The following NDUFAF2 variants were observed in gnomAD, a reference collection of about 807,000 sequenced individuals.
The protein encoded by NDUFAF2 is NADH dehydrogenase [ubiquinone] 1 alpha subcomplex assembly factor 2.
Under a neutral mutation model 22.8 loss-of-function variants are expected in NDUFAF2, and 13 were observed. The observed-to-expected ratio is 0.57, with a 90% CI of 0.37 to 0.91. The LOEUF (loss-of-function observed/expected upper bound fraction) is 0.91, where lower values mean the gene tolerates loss of function less well. Ranked by LOEUF, NDUFAF2 falls within the 40% of genes least tolerant of loss-of-function variation. The probability of loss-of-function intolerance (pLI) is 0.01; values close to 1 mark genes in which losing one functional copy is unlikely to be tolerated. For synonymous variants in NDUFAF2, 53 were observed against 64.2 expected (o/e 0.83, Z 0.84); for missense variants, 162 against 195.2 (o/e 0.83, Z 1.01).
chr5:61,143,001 C>A (rs754483818), intron 3 of NDUFAF2, among the ~76,000 whole-genome samples: 4 of 152,086 alleles, frequency 2.6e-5, no homozygotes, highest in African/African-American at 7.2e-5. Context: ...CAATAAAATT[C>A]GAGCTGAGAC....
intron 1 of NDUFAF2, among the ~76,000 whole-genome samples, chr5:61,038,256 A>G (rs1289696567): frequency 1.3e-5 from 2 of 152,192 alleles, no homozygotes; most frequent in Non-Finnish European, 2.9e-5. Flanking sequence ...ATTTGAGAAG[A>G]CTAAGTGAAA....
At chr5:60,973,625 G>T (rs994871463) in intron 1 of NDUFAF2, among the ~76,000 whole-genome samples, 5 of 152,162 alleles carry the variant, frequency 3.3e-5, no homozygotes, top group Admixed American at 1.3e-4. Flanking sequence ...AAGTTATGCA[G>T]TAGTTTTGTT....
intron 1 of NDUFAF2, among the ~76,000 whole-genome samples, chr5:61,034,386 C>A (rs1171141896): frequency 6.6e-6 from 1 of 152,096 alleles, no homozygotes; most frequent in Non-Finnish European, 1.5e-5. Context: ...TAGCCTGTTG[C>A]CCCTGTACAA....
At chr5:60,992,734 T>A (rs1053993817) in intron 1 of NDUFAF2, among the ~76,000 whole-genome samples, 1 of 151,206 alleles carries the variant, frequency 6.6e-6, no homozygotes, top group African/African-American at 2.4e-5. Flanking sequence ...ACCCCTCAGC[T>A]TTTTTTTTGT....
chr5:61,043,003 T>C (rs1751902416), intron 1 of NDUFAF2, among the ~76,000 whole-genome samples: 1 of 152,056 alleles, frequency 6.6e-6, no homozygotes, highest in African/African-American at 2.4e-5. Context: ...GCGGATCACT[T>C]GAGGTGAGGA....
chr5:60,965,127 C>A (rs1750737596), intron 1 of NDUFAF2, among the ~76,000 whole-genome samples: 1 of 152,128 alleles, frequency 6.6e-6, no homozygotes, highest in Admixed American at 6.5e-5. Flanking sequence ...GGTCTAGGAA[C>A]CACTAACATG....
chr5:61,124,072 T>A (rs766060750), intron 3 of NDUFAF2, among the ~76,000 whole-genome samples: 4 of 152,140 alleles, frequency 2.6e-5, no homozygotes, highest in Non-Finnish European at 5.9e-5. Context: ...AGGGAACATT[T>A]TTCTTTAATC....
At chr5:61,051,813 G>A (rs1752027968) in intron 1 of NDUFAF2, among the ~76,000 whole-genome samples, 1 of 152,100 alleles carries the variant, frequency 6.6e-6, no homozygotes, top group Admixed American at 6.6e-5. Context: ...TAAAGTCAGG[G>A]TGGGGAAAAA....
At chr5:61,117,499 G>A (rs1752925475) in intron 3 of NDUFAF2, among the ~76,000 whole-genome samples, 1 of 152,106 alleles carries the variant, frequency 6.6e-6, no homozygotes, top group South Asian at 2.1e-4. Context: ...GGGGCTGCAA[G>A]TGCACACTAC....
At chr5:61,045,779 C>T (rs898113432) in intron 1 of NDUFAF2, among the ~76,000 whole-genome samples, 2 of 152,120 alleles carry the variant, frequency 1.3e-5, no homozygotes, top group African/African-American at 2.4e-5. Flanking sequence ...GACAATTTAA[C>T]ATCTTCCTTT....
intron 2 of NDUFAF2, among the ~76,000 whole-genome samples, chr5:61,076,732 T>A (rs1752375863): frequency 6.6e-6 from 1 of 152,176 alleles, no homozygotes; most frequent in Non-Finnish European, 1.5e-5. Context: ...TCACTATGGC[T>A]GCTGCATTGC....
At chr5:61,112,217 C>T (rs1482000958) in intron 3 of NDUFAF2, among the ~76,000 whole-genome samples, 6 of 140,336 alleles carry the variant, frequency 4.3e-5, no homozygotes, top group Non-Finnish European at 6.1e-5. Flanking sequence ...TTATCCCCCC[C>T]CCTTTTTTTT....
chr5:61,007,626 G>A (rs1561540480), intron 1 of NDUFAF2, among the ~76,000 whole-genome samples: 2 of 152,162 alleles, frequency 1.3e-5, no homozygotes, highest in Non-Finnish European at 2.9e-5. Context: ...CAGTTAGAAT[G>A]GCAGTCATTA....
At chr5:61,112,887 T>TC (rs1213717432) in intron 3 of NDUFAF2, among the ~76,000 whole-genome samples, 1 of 97,990 alleles carries the variant, frequency 1.0e-5, no homozygotes, top group Non-Finnish European at 2.3e-5. Flanking sequence ...TTTAGTTTAT[T>TC]CTTTTTTTTT....
chr5:61,045,022 T>TTAATTTA (rs1554081091), intron 1 of NDUFAF2, among the ~76,000 whole-genome samples: 8 of 128,088 alleles, frequency 6.2e-5, no homozygotes, highest in East Asian at 2.2e-4. Flanking sequence ...GTATTAAATT[T>TTAATTTA]ATTAAATTTT....
chr5:61,018,376 A>C (rs940626154), intron 1 of NDUFAF2, among the ~76,000 whole-genome samples: 1 of 152,208 alleles, frequency 6.6e-6, no homozygotes, highest in African/African-American at 2.4e-5. Flanking sequence ...ATGTTAATGC[A>C]TGTCGTGTCT....
At chr5:61,094,978 A>C (rs573537338) in intron 2 of NDUFAF2, among the ~76,000 whole-genome samples, 1 of 152,186 alleles carries the variant, frequency 6.6e-6, no homozygotes, top group Non-Finnish European at 1.5e-5. Flanking sequence ...CAGTCTAGCT[A>C]TGCTTTCATA....
At chr5:61,144,193 T>C (rs1250271448) in intron 3 of NDUFAF2, among the ~76,000 whole-genome samples, 8 of 152,108 alleles carry the variant, frequency 5.3e-5, no homozygotes. Flanking sequence ...ACCATCAGCA[T>C]CATATATATG....
At chr5:61,106,112 T>C (rs1405426956) in intron 3 of NDUFAF2, among the ~76,000 whole-genome samples, 1 of 151,346 alleles carries the variant, frequency 6.6e-6, no homozygotes, top group Non-Finnish European at 1.5e-5. Context: ...AGTTGGAAAA[T>C]CACCACTATT....
Sources: allele counts gnomAD v4.1 joint callset (sites outside exome capture counted in the v4.1 genomes callset), GRCh38; gene constraint gnomAD v4.1.1; transcripts MANE v1.5; gene names NCBI Gene and HGNC (gene_info 2026-07-23, HGNC 2026-07-21).